PTPRT: variants seen among roughly 807,000 people sequenced by gnomAD.
PTPRT encodes protein tyrosine phosphatase receptor type T.
In PTPRT, 56 loss-of-function variants were observed where a neutral mutation model predicts 176.8. The ratio of observed to expected loss-of-function variants is 0.32; its 90% CI spans 0.26 to 0.40. PTPRT has a LOEUF of 0.40. Among genes scored for constraint, PTPRT ranks in the 10% least tolerant of loss-of-function variants. PTPRT has a pLI of 1.00. For missense variants in PTPRT, 1,540 were observed against 1,908.2 expected, an observed-to-expected ratio of 0.81 and a Z score of 3.60; for synonymous variants, 783 against 739.0, an observed-to-expected ratio of 1.06 and a Z score of -0.96.
intron 1 of PTPRT, among the ~76,000 whole-genome samples, chr20:43,070,196 A>T (rs1318084282): frequency 6.6e-6 from 1 of 152,164 alleles, no homozygotes; most frequent in African/African-American, 2.4e-5. Flanking sequence ...AGTCTTGACC[A>T]GCAGGTGACC....
At chr20:42,070,447 C>T (rs375742406), downstream of PTPRT, among the ~76,000 whole-genome samples, 8 of 151,782 alleles carry the variant, frequency 5.3e-5, no homozygotes, top group African/African-American at 1.9e-4. Flanking sequence ...CTCTCCAGGA[C>T]GGCAGCACAT....
chr20:42,317,214 G>C (rs988174720), intron 11 of PTPRT, among the ~76,000 whole-genome samples: 4 of 152,172 alleles, frequency 2.6e-5, no homozygotes, highest in African/African-American at 9.7e-5. Context: ...ATCTCATATT[G>C]TTCCCTTCAA....
intron 1 of PTPRT, among the ~76,000 whole-genome samples, chr20:42,919,020 C>A (rs1006328456): frequency 1.3e-5 from 2 of 152,306 alleles, no homozygotes; most frequent in African/African-American, 4.8e-5. Context: ...GCTTCTCCCA[C>A]GTCTCAGGGA....
chr20:42,355,547 TGG>T (rs767459495), intron 9 of PTPRT, among the ~76,000 whole-genome samples: 2 of 152,112 alleles, frequency 1.3e-5, no homozygotes, highest in East Asian at 3.9e-4. Context: ...GGCAAAGATC[TGG>T]GATGGGAAAA....
At chr20:42,581,313 C>T (rs553660121) in intron 7 of PTPRT, among the ~76,000 whole-genome samples, 4 of 152,282 alleles carry the variant, frequency 2.6e-5, no homozygotes, top group East Asian at 1.9e-4. Flanking sequence ...CTCTCTGCTG[C>T]GTTTTCTCTT....
chr20:43,033,941 G>T (rs1470455761), intron 1 of PTPRT, among the ~76,000 whole-genome samples: 1 of 152,124 alleles, frequency 6.6e-6, no homozygotes, highest in Non-Finnish European at 1.5e-5. Context: ...ACCGCACTAC[G>T]CCTTCACCTT....
chr20:42,963,249 G>A (rs1600599808), intron 1 of PTPRT, among the ~76,000 whole-genome samples: 1 of 151,346 alleles, frequency 6.6e-6, no homozygotes, highest in East Asian at 1.9e-4. Flanking sequence ...AACCAGATGT[G>A]GTAGCAAGCA....
intron 11 of PTPRT, among the ~76,000 whole-genome samples, chr20:42,342,652 T>C (rs112430257): frequency 2.6e-5 from 4 of 152,340 alleles, no homozygotes; most frequent in African/African-American, 7.2e-5. Flanking sequence ...TCTTTCCTAA[T>C]TGGACACCAT....
intron 6 of PTPRT, among the ~76,000 whole-genome samples, chr20:42,687,013 C>T (rs370008800): frequency 1.3e-5 from 2 of 152,278 alleles, no homozygotes; most frequent in Admixed American, 6.5e-5. Flanking sequence ...TAACATCTTC[C>T]TCATGGTAAT....
chr20:42,095,789 T>A (rs1985147460), intron 27 of PTPRT, among the ~76,000 whole-genome samples: 1 of 152,192 alleles, frequency 6.6e-6, no homozygotes, highest in South Asian at 2.1e-4. Flanking sequence ...TGCTCAGTGA[T>A]GCATTCCAAG....
intron 16 of PTPRT, among the ~76,000 whole-genome samples, chr20:42,176,566 T>G (rs1990300001): frequency 6.6e-6 from 1 of 152,162 alleles, no homozygotes; most frequent in African/African-American, 2.4e-5. Context: ...CCAAACTCCA[T>G]AACCTGCACA....
At chr20:42,303,437 G>A (rs983463517) in intron 12 of PTPRT, among the ~76,000 whole-genome samples, 10 of 152,146 alleles carry the variant, frequency 6.6e-5, no homozygotes, top group Non-Finnish European at 1.2e-4. Context: ...CCTGGTTCTA[G>A]TGCACCCATA....
Position 42,648,639 on chromosome 20 carries a change from C to T in PTPRT, c.1153+29227G>A, listed in dbSNP as rs543050851. Among the ~76,000 whole-genome samples, 58 of 152,098 alleles carry T rather than the reference C, an allele frequency of 3.8e-4. 1 individual carries two copies. The highest frequency in any genetic ancestry group is 2.2e-3 in the Admixed American group (34 of 15,286). On this transcript the variant is annotated intron_variant, in intron 7 of 30. Coordinates refer to ENST00000373187, the MANE Select transcript of PTPRT (RefSeq NM_007050.6). ...GCGTGTCTAGCGCCACTGTACTCTT[C>T]GACTCCAAGGTGTACCATTCATGTG...
intron 1 of PTPRT, among the ~76,000 whole-genome samples, chr20:42,956,962 T>G (rs1276386955): frequency 6.6e-6 from 1 of 152,214 alleles, no homozygotes; most frequent in African/African-American, 2.4e-5. Context: ...CCAAGTCACC[T>G]GGATCTAAAC....
At chr20:42,362,078 T>C (rs2058438431) in intron 9 of PTPRT, among the ~76,000 whole-genome samples, 1 of 152,118 alleles carries the variant, frequency 6.6e-6, no homozygotes, top group Non-Finnish European at 1.5e-5. Context: ...CTGGGCATCA[T>C]AGCCAGACTC....
intron 7 of PTPRT, among the ~76,000 whole-genome samples, chr20:42,620,759 T>G (rs1469668580): frequency 6.6e-6 from 1 of 152,224 alleles, no homozygotes; most frequent in Non-Finnish European, 1.5e-5. Context: ...CCTGACCCCT[T>G]GCACTTCCCA....
chr20:42,996,270 C>A (rs141096583), intron 1 of PTPRT, among the ~76,000 whole-genome samples: 15 of 152,312 alleles, frequency 9.8e-5, no homozygotes, highest in East Asian at 1.9e-4. Flanking sequence ...AAGATCCTTA[C>A]AGCAATCAGC....
At chr20:43,106,474 T>C (rs978284337) in intron 1 of PTPRT, among the ~76,000 whole-genome samples, 4 of 151,878 alleles carry the variant, frequency 2.6e-5, no homozygotes, top group African/African-American at 7.3e-5. Context: ...CTGGCCAACA[T>C]GGTGAAACCC....
At chr20:43,176,349 G>T (rs528792791) in intron 1 of PTPRT, among the ~76,000 whole-genome samples, 4 of 152,388 alleles carry the variant, frequency 2.6e-5, no homozygotes, top group African/African-American at 7.2e-5. Flanking sequence ...CCTGAGATAT[G>T]ATTGCACAGC....
Sources: allele counts gnomAD v4.1 joint callset (sites outside exome capture counted in the v4.1 genomes callset), GRCh38; gene constraint gnomAD v4.1.1; transcripts MANE v1.5; gene names NCBI Gene and HGNC (gene_info 2026-07-23, HGNC 2026-07-21).